Variants in SPAG17 observed in about 807,000 individuals in gnomAD.
The protein encoded by SPAG17 is sperm-associated antigen 17.
Under a neutral mutation model 273.6 loss-of-function variants are expected in SPAG17, and 169 were observed. That is an observed-to-expected ratio of 0.62 (90% CI 0.55 to 0.70). The LOEUF is 0.70. Among genes scored for constraint, SPAG17 ranks in the 30% least tolerant of loss-of-function variants. SPAG17 has a pLI of 0.00. For missense variants in SPAG17, 2,557 were observed against 2,627.8 expected, an observed-to-expected ratio of 0.97 and a Z score of 0.59; for synonymous variants, 825 against 873.2, an observed-to-expected ratio of 0.94 and a Z score of 0.97.
At chr1:117,968,294 T>C (rs189039841) in intron 46 of SPAG17, among the ~76,000 whole-genome samples, 244 of 152,378 alleles carry the variant, frequency 1.6e-3, no homozygotes, top group Non-Finnish European at 3.1e-3. Context: ...GACTACGTGC[T>C]GGGTTTTTAG....
intron 39 of SPAG17, 70 bp downstream of exon 39, chr1:117,988,035 C>T: frequency 1.4e-6 from 2 of 1,445,466 alleles, no homozygotes; most frequent in Non-Finnish European, 1.9e-6. Flanking sequence ...AGTTATAGCA[C>T]CTGCATATTC....
intron 10 of SPAG17, among the ~76,000 whole-genome samples, chr1:118,089,648 A>C (rs1478476452): frequency 1.3e-5 from 2 of 152,226 alleles, no homozygotes; most frequent in Non-Finnish European, 2.9e-5. Flanking sequence ...AAGGAAGACG[A>C]CAATGCAGAA....
intron 39 of SPAG17, 73 bp downstream of exon 39, chr1:117,988,032 G>A (rs886931037): frequency 7.0e-7 from 1 of 1,436,648 alleles, no homozygotes; most frequent in Non-Finnish European, 9.5e-7. Context: ...AAAAGTTATA[G>A]CACCTGCATA....
intron 32 of SPAG17, among the ~76,000 whole-genome samples, chr1:118,003,027 A>G (rs1658483052): frequency 6.6e-6 from 1 of 152,170 alleles, no homozygotes; most frequent in Non-Finnish European, 1.5e-5. Context: ...CCTAGTGGTA[A>G]CAAAATCTCT....
intron 1 of SPAG17, among the ~76,000 whole-genome samples, chr1:118,152,653 GTGCA>G (rs933582063): frequency 7.2e-5 from 11 of 152,092 alleles, no homozygotes; most frequent in Non-Finnish European, 1.5e-5. Flanking sequence ...AAGTGTGTGT[GTGCA>G]TGCATGCATG....
intron 47 of SPAG17, chr1:117,966,162 T>G (rs1653816239): frequency 6.5e-6 from 1 of 152,958 alleles, no homozygotes; most frequent in Admixed American, 6.5e-5. Context: ...ATAAACTATT[T>G]TATACAGTAC....
chr1:118,055,748 T>C lies in SPAG17; in HGVS notation c.2707A>G (p.Ile903Val). 6.2e-7 allele frequency: 1 copy of C among 1,612,004 alleles called. No homozygotes were observed. Among genetic ancestry groups the C allele is most frequent in the Non-Finnish European group, 8.5e-7 (1 of 1,179,308 alleles). ...GGTTACTTACTTTTAGATTCTTTAA[T>C]GGAAAAAATTTTGCTAGCAGAAGTA... ...KLTSASKIFS[I>V]KESKSNKGIS... The change falls in exon 19 of 49, where the codon ATT (isoleucine) becomes GTT (valine). Residue 903 changes from isoleucine to valine, a missense_variant. By Grantham distance (29) the Ile-to-Val change is conservative. Transcript: ENST00000336338.
At chr1:118,097,400 C>T (rs1655781305) in intron 7 of SPAG17, among the ~76,000 whole-genome samples, 2 of 152,098 alleles carry the variant, frequency 1.3e-5, no homozygotes, top group Admixed American at 1.3e-4. Flanking sequence ...AAAACAAAGC[C>T]ACGTGTCACC....
chr1:118,007,382 TG>T (rs1393978455), intron 31 of SPAG17, among the ~76,000 whole-genome samples: 5 of 152,178 alleles, frequency 3.3e-5, no homozygotes, highest in Non-Finnish European at 5.9e-5. Flanking sequence ...CTAGTGACAT[TG>T]TTTGCAATAT....
chr1:117,969,435 C>T (rs961375133), intron 46 of SPAG17, among the ~76,000 whole-genome samples: 2 of 151,912 alleles, frequency 1.3e-5, no homozygotes, highest in Non-Finnish European at 2.9e-5. Context: ...AAAAATTAGC[C>T]GGACGTGGTG....
intron 17 of SPAG17, among the ~76,000 whole-genome samples, chr1:118,069,924 G>C (rs1030582401): frequency 3.3e-5 from 5 of 152,152 alleles, no homozygotes; most frequent in African/African-American, 1.2e-4. Flanking sequence ...GATGAAGAAA[G>C]ATAAGTGTCC....
chr1:118,068,300 C>T (rs1440550000), intron 17 of SPAG17, among the ~76,000 whole-genome samples: 2 of 152,054 alleles, frequency 1.3e-5, no homozygotes, highest in Non-Finnish European at 2.9e-5. Context: ...ACTTTTACAT[C>T]TGTTTCCTCA....
chr1:118,020,459 A>G (rs1660394129), intron 28 of SPAG17, among the ~76,000 whole-genome samples: 1 of 152,136 alleles, frequency 6.6e-6, no homozygotes, highest in Admixed American at 6.6e-5. Context: ...AGAAAGAAAG[A>G]AAGGAAGTCA....
At chr1:118,132,416 G>C (rs1419934200) in intron 3 of SPAG17, among the ~76,000 whole-genome samples, 3 of 152,232 alleles carry the variant, frequency 2.0e-5, no homozygotes, top group Admixed American at 6.5e-5. Flanking sequence ...ACTGGAGGGA[G>C]GTAACCAAGG....
chr1:117,967,744 G>A (rs12059983), intron 46 of SPAG17, among the ~76,000 whole-genome samples: 2,745 of 152,284 alleles, frequency 0.018, 89 homozygotes, highest in African/African-American at 0.063. Context: ...AGGCATGGGC[G>A]TCTTGCCTTG....
At chr1:118,014,736 G>A (rs1310947162) in intron 29 of SPAG17, among the ~76,000 whole-genome samples, 1 of 152,184 alleles carries the variant, frequency 6.6e-6, no homozygotes, top group Admixed American at 6.5e-5. Flanking sequence ...AGGCACTTAG[G>A]AACGTCTTCA....
intron 37 of SPAG17, 81 bp from the exon 38 acceptor site, chr1:117,990,987 T>G: frequency 1.3e-6 from 1 of 777,100 alleles, no homozygotes; most frequent in Middle Eastern, 3.3e-4. Flanking sequence ...CTCAAGCTGA[T>G]CTTTTGTAAA....
chr1:118,071,549 T>A (rs1284961210), intron 17 of SPAG17, among the ~76,000 whole-genome samples: 1 of 150,646 alleles, frequency 6.6e-6, no homozygotes, highest in Non-Finnish European at 1.5e-5. Flanking sequence ...ACTTGGGAGG[T>A]TGAGGCAGGA....
At position 118,036,839 on chromosome 1, in the gene SPAG17, A is replaced by G; in HGVS notation, c.3364T>C (p.Phe1122Leu). The G allele has an allele frequency of 6.4e-7, 1 of 1,561,782 alleles. No homozygotes were observed. Among genetic ancestry groups the G allele is most frequent in the East Asian group, 2.4e-5 (1 of 42,310 alleles). ...ATTCCATTTTCTAAGGTGGCAGAAA[A>G]AGATCCAAACTTGCTGAAAGCTTTA... ...KNKAFSKFGS[F>L]SATLENGICL... Residue 1122 changes from phenylalanine to leucine, a missense_variant, in exon 24 of 49, where the codon TTT becomes CTT. Transcript: ENST00000336338.
Sources: allele counts gnomAD v4.1 joint callset (sites outside exome capture counted in the v4.1 genomes callset), GRCh38; gene constraint gnomAD v4.1.1; transcripts MANE v1.5; gene names NCBI Gene and HGNC (gene_info 2026-07-23, HGNC 2026-07-21).